The following TENM4 variants were observed in gnomAD, a reference collection of about 807,000 sequenced individuals.
TENM4 encodes teneurin transmembrane protein 4.
TENM4 carries 82 observed loss-of-function variants against 243.3 expected under a neutral mutation model. That is an observed-to-expected ratio of 0.34 (90% CI 0.28 to 0.40). The LOEUF (loss-of-function observed/expected upper bound fraction) is 0.40, where lower values mean the gene tolerates loss of function less well. TENM4 is among the 10% of genes least tolerant of loss of function. TENM4 has a pLI of 1.00. For synonymous variants in TENM4, 1,412 were observed against 1,456.3 expected, an observed-to-expected ratio of 0.97 and a Z score of 0.69; for missense variants, 3,138 against 3,673.3, an observed-to-expected ratio of 0.85 and a Z score of 3.77.
intron 3 of TENM4, among the ~76,000 whole-genome samples, chr11:79,201,502 C>CAAA (rs11418108): frequency 5.0e-4 from 73 of 145,580 alleles, no homozygotes; most frequent in Middle Eastern, 3.6e-3. Context: ...AATAACCAGG[C>CAAA]AAAAAAAAAA....
intron 4 of TENM4, among the ~76,000 whole-genome samples, chr11:79,138,833 T>C (rs1862180366): frequency 8.4e-6 from 1 of 119,710 alleles, no homozygotes; most frequent in East Asian, 2.3e-4. Flanking sequence ...ATACAAAACA[T>C]ACATTATATT....
chr11:79,338,725 C>G (rs1857193076), intron 1 of TENM4, among the ~76,000 whole-genome samples: 1 of 152,160 alleles, frequency 6.6e-6, no homozygotes, highest in Admixed American at 6.5e-5. Context: ...GACCTTGAGC[C>G]AGTCGCTTGA....
intron 1 of TENM4, among the ~76,000 whole-genome samples, chr11:79,378,536 C>G (rs1346868128): frequency 6.6e-6 from 1 of 152,184 alleles, no homozygotes; most frequent in Non-Finnish European, 1.5e-5. Flanking sequence ...TGCTCTGAAC[C>G]ACTTCCACAC....
chr11:78,851,447 A>G (rs1858536981), intron 12 of TENM4, among the ~76,000 whole-genome samples: 1 of 152,236 alleles, frequency 6.6e-6, no homozygotes, highest in South Asian at 2.1e-4. Context: ...CACTGTGCCT[A>G]TGGTTTATTC....
At chr11:79,307,575 C>A (rs561173977) in intron 1 of TENM4, among the ~76,000 whole-genome samples, 12 of 152,206 alleles carry the variant, frequency 7.9e-5, no homozygotes, top group African/African-American at 2.7e-4. Flanking sequence ...CCCAACCAGT[C>A]TCCCTGCACT....
At chr11:78,702,471 A>T in intron 27 of TENM4, 68 bp from the exon 28 acceptor site, 1 of 1,549,184 alleles carries the variant, frequency 6.5e-7, no homozygotes, top group Non-Finnish European at 8.7e-7. Flanking sequence ...CCCATAGCCC[A>T]TGTAGCCCAT....
At chr11:78,772,243 C>G (rs554577221) in intron 17 of TENM4, among the ~76,000 whole-genome samples, 2 of 152,120 alleles carry the variant, frequency 1.3e-5, no homozygotes, top group African/African-American at 4.8e-5. Flanking sequence ...TAAACCTCTC[C>G]GAGTTTGTGG....
In TENM4 at chr11:78,718,721, T is replaced by A. The variant is rs571638814; in HGVS notation, c.3821+1649A>T. 2.0e-5 allele frequency among the ~76,000 whole-genome samples: 3 copies of A among 152,284 alleles called. No homozygotes were observed. In the South Asian group the frequency reaches 6.2e-4, roughly 32 times the overall value. On this transcript the variant is annotated intron_variant, in intron 25 of 33. Coordinates refer to ENST00000278550, the MANE Select transcript of TENM4 (RefSeq NM_001098816.3). ...CATAGTTCAGTATCATCCATACAAA[T>A]CTCATTGAAAATCTCAGATTTCAGT...
chr11:78,963,061 A>G (rs186310143), intron 6 of TENM4, among the ~76,000 whole-genome samples: 41 of 152,378 alleles, frequency 2.7e-4, no homozygotes, highest in African/African-American at 9.1e-4. Flanking sequence ...AATGCCTGGC[A>G]CATAGTAGGC....
At position 79,138,989 on chromosome 11, in the gene TENM4, T is replaced by C. The variant is rs1402473101; in HGVS notation, c.-66+9721A>G. Among the ~76,000 whole-genome samples, 4 of 51,250 alleles carry C rather than the reference T, an allele frequency of 7.8e-5. 1 individual carries two copies. Among genetic ancestry groups the C allele is most frequent in the African/African-American group, 2.4e-4 (4 of 16,976 alleles). The allele number at this position is 51,250 out of a possible 152,430, so 33.6% of individuals were successfully genotyped here. Reference sequence around the variant, plus strand: ...ATATAAAATATATATTATATTTCTATAAATATATAAAATATATATTATATT... The same window carrying C: ...ATATAAAATATATATTATATTTCTACAAATATATAAAATATATATTATATT... On this transcript the variant is annotated intron_variant, in intron 4 of 33. Transcript: ENST00000278550.
chr11:79,012,089 T>C (rs1277156926), intron 6 of TENM4, among the ~76,000 whole-genome samples: 1 of 152,112 alleles, frequency 6.6e-6, no homozygotes, highest in Non-Finnish European at 1.5e-5. Context: ...GAGGAACAAA[T>C]GCCCAAAGCA....
chr11:78,891,179 G>C, intron 8 of TENM4, 59 bp downstream of exon 8: 1 of 1,480,608 alleles, frequency 6.8e-7, no homozygotes, highest in Non-Finnish European at 9.2e-7. Flanking sequence ...GGGTCTGCAT[G>C]CAAGTGCAGG....
chr11:78,931,999 C>A (rs550696276), intron 6 of TENM4, among the ~76,000 whole-genome samples: 70 of 152,036 alleles, frequency 4.6e-4, no homozygotes, highest in Non-Finnish European at 9.1e-4. Context: ...TCTCTAACAA[C>A]AACAAAAAAA....
intron 12 of TENM4, among the ~76,000 whole-genome samples, chr11:78,850,080 T>C (rs1858499914): frequency 6.6e-6 from 1 of 152,044 alleles, no homozygotes; most frequent in Non-Finnish European, 1.5e-5. Context: ...TGTGTGTGTG[T>C]GTGTGTAAAT....
At chr11:79,065,936 T>C (rs1241676097) in intron 5 of TENM4, among the ~76,000 whole-genome samples, 1 of 152,182 alleles carries the variant, frequency 6.6e-6, no homozygotes, top group Non-Finnish European at 1.5e-5. Flanking sequence ...TTCCCAGGAA[T>C]GTGTTGCAGG....
At chr11:79,035,830 TCCTCCTTC>T (rs1859363581) in intron 6 of TENM4, among the ~76,000 whole-genome samples, 1 of 152,114 alleles carries the variant, frequency 6.6e-6, no homozygotes, top group Non-Finnish European at 1.5e-5. Flanking sequence ...CAAATATAAA[TCCTCCTTC>T]CCTCCTTCCA....
chr11:79,187,937 G>T (rs1863408292), intron 3 of TENM4, among the ~76,000 whole-genome samples: 1 of 152,190 alleles, frequency 6.6e-6, no homozygotes, highest in Non-Finnish European at 1.5e-5. Flanking sequence ...CACCCAGTCT[G>T]TGCTACTTTG....
At chr11:79,148,973 G>A (rs150547666) in intron 3 of TENM4, among the ~76,000 whole-genome samples, 167 bp from the exon 4 acceptor site, 4 of 152,098 alleles carry the variant, frequency 2.6e-5, no homozygotes, top group African/African-American at 7.2e-5. Context: ...GTGTTTGAAC[G>A]CTCAGAGGAA....
At chr11:78,872,368 G>A (rs1233683191) in intron 9 of TENM4, among the ~76,000 whole-genome samples, 1 of 152,212 alleles carries the variant, frequency 6.6e-6, no homozygotes, top group African/African-American at 2.4e-5. Context: ...CACTAGTGAT[G>A]CAGTGATCAC....
Sources: gnomAD v4.1 joint callset for allele counts (sites outside exome capture counted in the v4.1 genomes callset) on GRCh38, gnomAD v4.1.1 for gene constraint, MANE v1.5 for transcripts, NCBI Gene and HGNC (gene_info 2026-07-23, HGNC 2026-07-21) for gene names.